DYNC1I1: variants seen among roughly 807,000 people sequenced by gnomAD.
DYNC1I1 encodes dynein cytoplasmic 1 intermediate chain 1.
A neutral mutation model predicts 86.6 loss-of-function variants in DYNC1I1; 43 were observed. The observed-to-expected ratio is 0.50, with a 90% CI of 0.39 to 0.64. DYNC1I1 has a LOEUF of 0.64. Among genes scored for constraint, DYNC1I1 ranks in the 30% least tolerant of loss-of-function variants. The pLI, the probability that DYNC1I1 is intolerant of heterozygous loss-of-function variation, is 0.00. For synonymous variants in DYNC1I1, 262 were observed against 283.7 expected, an observed-to-expected ratio of 0.92 and a Z score of 0.77; for missense variants, 604 against 788.8, an observed-to-expected ratio of 0.77 and a Z score of 2.81.
At chr7:96,066,478 A>T (rs1047364116) in intron 14 of DYNC1I1, among the ~76,000 whole-genome samples, 13 of 152,258 alleles carry the variant, frequency 8.5e-5, no homozygotes, top group African/African-American at 3.1e-4. Flanking sequence ...TGATTTGCAG[A>T]CATGGTAAAT....
intron 3 of DYNC1I1, among the ~76,000 whole-genome samples, chr7:95,812,079 C>T (rs1794843802): frequency 6.6e-6 from 1 of 152,152 alleles, no homozygotes; most frequent in Non-Finnish European, 1.5e-5. Flanking sequence ...ACCCTCTGAG[C>T]TTACTCAGAG....
intron 6 of DYNC1I1, among the ~76,000 whole-genome samples, chr7:95,896,677 G>A (rs555445686): frequency 2.0e-5 from 3 of 152,322 alleles, no homozygotes; most frequent in East Asian, 3.9e-4. Flanking sequence ...CAAGGCCAGT[G>A]AGAAATCAGA....
chr7:95,857,681 G>GT (rs1358693812), intron 5 of DYNC1I1, among the ~76,000 whole-genome samples: 1 of 152,158 alleles, frequency 6.6e-6, no homozygotes, highest in African/African-American at 2.4e-5. Context: ...TTTTATGGAT[G>GT]TAAGTCCTTT....
At chr7:96,070,403 T>A (rs928201709) in intron 14 of DYNC1I1, among the ~76,000 whole-genome samples, 1 of 152,230 alleles carries the variant, frequency 6.6e-6, no homozygotes, top group African/African-American at 2.4e-5. Context: ...TAATGTTTCC[T>A]GGAAGAACTA....
intron 5 of DYNC1I1, among the ~76,000 whole-genome samples, chr7:95,840,263 C>CT (rs144555317): frequency 0.11 from 16,217 of 150,854 alleles, 984 homozygotes; most frequent in African/African-American, 0.16. Context: ...GTTTTTTATT[C>CT]TTTTTTTTTC....
rs1383631993 is a variant in DYNC1I1 at position 95,778,265 on chromosome 7, G to A, written c.-10+5492G>A. ...TTCTACAACCACAGGCACATTCTCC[G>A]GTAGATAGTTTTAGGAAAACATACA... On this transcript the variant is annotated intron_variant, in intron 1 of 16. Coordinates refer to ENST00000447467, the MANE Select transcript of DYNC1I1 (RefSeq NM_001135556.2). Among the ~76,000 whole-genome samples the A allele has an allele frequency of 4.6e-5, 7 of 152,280 alleles. No individual in the cohort carries two copies. The East Asian group carries it at 7.7e-4, about 17-fold the overall frequency.
At chr7:96,040,176 G>A (rs1788993951) in intron 14 of DYNC1I1, among the ~76,000 whole-genome samples, 1 of 152,110 alleles carries the variant, frequency 6.6e-6, no homozygotes, top group South Asian at 2.1e-4. Context: ...AGAGGTTGCA[G>A]TGAGCCGAGA....
At chr7:96,088,771 T>C (rs190981272) in intron 16 of DYNC1I1, among the ~76,000 whole-genome samples, 8 of 152,292 alleles carry the variant, frequency 5.3e-5, no homozygotes, top group Non-Finnish European at 8.8e-5. Flanking sequence ...TGTAAATATT[T>C]ATACACCACG....
intron 5 of DYNC1I1, among the ~76,000 whole-genome samples, chr7:95,861,649 C>T (rs192638883): frequency 2.1e-4 from 32 of 151,968 alleles, no homozygotes; most frequent in South Asian, 6.2e-4. Context: ...AAATATGAAG[C>T]GCAGAAACAG....
At chr7:95,985,012 G>GTTT (rs1254022443) in intron 8 of DYNC1I1, 35 bp downstream of exon 8, 1 of 1,597,246 alleles carries the variant, frequency 6.3e-7, no homozygotes, top group Non-Finnish European at 8.5e-7. Context: ...AAAAAATAGC[G>GTTT]TAAGTTATCT....
chr7:95,982,650 C>T (rs1451954417), intron 7 of DYNC1I1, among the ~76,000 whole-genome samples: 1 of 151,962 alleles, frequency 6.6e-6, no homozygotes. Flanking sequence ...AGAAAAATTC[C>T]TACTACTTTG....
intron 6 of DYNC1I1, among the ~76,000 whole-genome samples, chr7:95,923,778 A>G (rs1181997571): frequency 6.6e-6 from 1 of 152,148 alleles, no homozygotes; most frequent in African/African-American, 2.4e-5. Flanking sequence ...GCACCCATTC[A>G]GAAATTATAT....
intron 5 of DYNC1I1, among the ~76,000 whole-genome samples, chr7:95,852,758 G>A (rs897066227): frequency 6.6e-6 from 1 of 152,188 alleles, no homozygotes; most frequent in Middle Eastern, 3.4e-3. Flanking sequence ...TGCCTGCCTT[G>A]GCCTCCTGAA....
At chr7:95,949,451 A>G (rs1792494275) in intron 6 of DYNC1I1, among the ~76,000 whole-genome samples, 1 of 152,248 alleles carries the variant, frequency 6.6e-6, no homozygotes, top group Non-Finnish European at 1.5e-5. Flanking sequence ...AAGTGAATTT[A>G]CTGCACATTT....
chr7:95,918,926 C>T (rs1791539523), intron 6 of DYNC1I1, among the ~76,000 whole-genome samples: 1 of 152,136 alleles, frequency 6.6e-6, no homozygotes, highest in Non-Finnish European at 1.5e-5. Flanking sequence ...GAACTTAAAT[C>T]TTGTGAGATC....
At chr7:95,939,608 T>G (rs1792144902) in intron 6 of DYNC1I1, among the ~76,000 whole-genome samples, 1 of 150,924 alleles carries the variant, frequency 6.6e-6, no homozygotes, top group African/African-American at 2.4e-5. Flanking sequence ...TATCAGAGAC[T>G]AGGATTGCAA....
At chr7:95,845,299 A>G (rs1380075491) in intron 5 of DYNC1I1, among the ~76,000 whole-genome samples, 1 of 152,228 alleles carries the variant, frequency 6.6e-6, no homozygotes, top group African/African-American at 2.4e-5. Context: ...AACTATATAA[A>G]GAAATGAGAG....
At chr7:95,959,196 G>T (rs763738363) in intron 6 of DYNC1I1, among the ~76,000 whole-genome samples, 1 of 152,138 alleles carries the variant, frequency 6.6e-6, no homozygotes, top group Admixed American at 6.5e-5. Context: ...CGTCATGTGG[G>T]GCTGGGGTAG....
intron 10 of DYNC1I1, among the ~76,000 whole-genome samples, chr7:96,006,657 A>G (rs964358040): frequency 3.3e-5 from 5 of 152,210 alleles, no homozygotes; most frequent in Admixed American, 2.0e-4. Flanking sequence ...CTCAAATCAG[A>G]TATGATTTAC....
Sources: allele counts gnomAD v4.1 joint callset (sites outside exome capture counted in the v4.1 genomes callset), GRCh38; gene constraint gnomAD v4.1.1; transcripts MANE v1.5; gene names NCBI Gene and HGNC (gene_info 2026-07-23, HGNC 2026-07-21).